SNX29: variants seen among roughly 807,000 people sequenced by gnomAD.
The protein encoded by SNX29 is sorting nexin-29.
Under a neutral mutation model 102.1 loss-of-function variants are expected in SNX29, and 78 were observed. The ratio of observed to expected loss-of-function variants is 0.76; its 90% CI spans 0.64 to 0.92. The LOEUF is 0.92. Among genes scored for constraint, SNX29 ranks in the 40% least tolerant of loss-of-function variants. The pLI is 0.00. For synonymous variants in SNX29, 580 were observed against 414.5 expected, an observed-to-expected ratio of 1.40 and a Z score of -4.85; for missense variants, 1,280 against 1,061.7, an observed-to-expected ratio of 1.21 and a Z score of -2.86.
rs548031551 is a variant in SNX29 at position 11,982,042 on chromosome 16, T to TA, written c.7+5243dup. Among the ~76,000 whole-genome samples, 1,005 of 138,960 alleles carry TA rather than the reference T, an allele frequency of 7.2e-3. 9 individuals carry two copies. The highest frequency in any genetic ancestry group is 0.013 in the South Asian group (56 of 4,394). 91.2% of individuals were successfully genotyped at this position (138,960 alleles called of 152,430 possible). On this transcript the variant is annotated intron_variant, in intron 1 of 20. Transcript: ENST00000566228. ...CAACATAACGAGATCTCATCTCAAT[T>TA]AAAAAAAAAAAAAAGCAGGGTGTAG...
At chr16:12,550,321 G>T (rs557420209) in intron 20 of SNX29, among the ~76,000 whole-genome samples, 3 of 152,288 alleles carry the variant, frequency 2.0e-5, no homozygotes, top group Non-Finnish European at 4.4e-5. Context: ...TGGGTCACCT[G>T]AGGTCGAGTG....
At chr16:12,115,893 A>C (rs2053679297) in intron 11 of SNX29, among the ~76,000 whole-genome samples, 1 of 152,220 alleles carries the variant, frequency 6.6e-6, no homozygotes, top group African/African-American at 2.4e-5. Context: ...TGCACCCCGC[A>C]AGAGGAGTAT....
intron 15 of SNX29, among the ~76,000 whole-genome samples, chr16:12,290,445 C>T (rs148803789): frequency 2.0e-5 from 3 of 152,300 alleles, no homozygotes; most frequent in African/African-American, 4.8e-5. Context: ...AAGACTGATT[C>T]AGTTTGCCCC....
At chr16:12,481,552 A>ACACC (rs1555549564) in intron 19 of SNX29, among the ~76,000 whole-genome samples, 3 of 119,416 alleles carry the variant, frequency 2.5e-5, no homozygotes, top group Non-Finnish European at 5.2e-5. Flanking sequence ...ACACACACAC[A>ACACC]CACCCCAAAT....
At chr16:12,148,245 C>G (rs984367323) in intron 13 of SNX29, among the ~76,000 whole-genome samples, 1 of 152,198 alleles carries the variant, frequency 6.6e-6, no homozygotes, top group African/African-American at 2.4e-5. Flanking sequence ...GGAATGCCAC[C>G]CATGGAGCTA....
intron 11 of SNX29, chr16:12,087,231 TA>T (rs2052245980): frequency 6.4e-6 from 1 of 156,422 alleles, no homozygotes; most frequent in Non-Finnish European, 1.4e-5. Flanking sequence ...CCATCTCTAC[TA>T]AACATACAGA....
chr16:12,055,115 C>G (rs539403355), intron 8 of SNX29, among the ~76,000 whole-genome samples: 48 of 152,134 alleles, frequency 3.2e-4, no homozygotes, highest in African/African-American at 1.1e-3. Flanking sequence ...CTGAGGCGGA[C>G]GTTCTGTGTG....
rs746617649 is a variant in SNX29 at position 12,568,501 on chromosome 16, T to A, written c.2319-5T>A. On this transcript the variant is annotated splice_polypyrimidine_tract_variant and splice_region_variant and intron_variant, in intron 20 of 20. Coordinates refer to ENST00000566228, the MANE Select transcript of SNX29 (RefSeq NM_032167.5). ...CTTAACCCGATTCTCTCCCTGCTCT[T>A]TCAGCGACATCACCCCGCCCGGAGA... 1 of 1,609,628 alleles carries A rather than the reference T, an allele frequency of 6.2e-7. No homozygotes were observed. Among genetic ancestry groups the A allele is most frequent in the Non-Finnish European group, 8.5e-7 (1 of 1,179,812 alleles).
At chr16:12,565,528 G>A (rs941311859) in intron 20 of SNX29, among the ~76,000 whole-genome samples, 4 of 152,106 alleles carry the variant, frequency 2.6e-5, no homozygotes, top group East Asian at 1.9e-4. Context: ...TGCTCCACAT[G>A]GCCTCGAGGA....
At chr16:12,331,396 T>G (rs1279935095) in intron 15 of SNX29, among the ~76,000 whole-genome samples, 1 of 152,224 alleles carries the variant, frequency 6.6e-6, no homozygotes. Flanking sequence ...TACCTGGTCT[T>G]ATTCCAAAAA....
rs949956199 is a variant in SNX29 at position 12,027,418 on chromosome 16, C to T, written c.221C>T (p.Ala74Val). ...ALTAAAIKQAAGFASKTETEP... is the reference protein window; with the variant it reads ...ALTAAAIKQAVGFASKTETEP... ...ACAGCGGCAGCGATCAAGCAGGCAG[C>T]GGGCTTTGCCAGCAAAACCGAAACA... The change falls in exon 4 of 21, where the codon GCG (alanine) becomes GTG (valine). Residue 74 changes from alanine to valine, a missense_variant. Coordinates refer to ENST00000566228, the MANE Select transcript of SNX29 (RefSeq NM_032167.5). The T allele has an allele frequency of 8.1e-6, 13 of 1,613,830 alleles. No homozygotes were observed. The highest frequency in any genetic ancestry group is 1.1e-5 in the South Asian group (1 of 91,074).
In SNX29 at chr16:12,524,747, C is replaced by T. The variant is rs931399734; in HGVS notation, c.2224C>T (p.Leu742=). 2.5e-6 allele frequency: 4 copies of T among 1,613,458 alleles called. No individual in the cohort carries two copies. Among genetic ancestry groups the T allele is most frequent in the South Asian group, 1.1e-5 (1 of 91,042 alleles). Residue 742 remains leucine, a synonymous_variant, in exon 20 of 21, where the codon CTG becomes TTG. Coordinates refer to ENST00000566228, the MANE Select transcript of SNX29 (RefSeq NM_032167.5). ...ACGGAGAAAGCAGCTCCAGAATTAC[C>T]TGCGCAGCGTCATGAACAAAGTCAT... ...EERRKQLQNY[L]RSVMNKVIQM...
chr16:12,365,769 G>A (rs2082450812), intron 16 of SNX29, among the ~76,000 whole-genome samples: 2 of 151,322 alleles, frequency 1.3e-5, no homozygotes, highest in Admixed American at 6.6e-5. Flanking sequence ...TGGGCCGGGC[G>A]CGGTGGCTCA....
chr16:12,556,915 T>TA (rs2078393081), intron 20 of SNX29, among the ~76,000 whole-genome samples: 1 of 141,906 alleles, frequency 7.0e-6, no homozygotes, highest in South Asian at 2.3e-4. Context: ...TGTAGTGGCA[T>TA]GATCTCGGCT....
chr16:12,421,109 C>T (rs993931027), intron 18 of SNX29, among the ~76,000 whole-genome samples: 3 of 152,172 alleles, frequency 2.0e-5, no homozygotes, highest in Non-Finnish European at 4.4e-5. Flanking sequence ...AGTGCCTTGC[C>T]TAAGGTCATA....
At chr16:12,347,781 G>A (rs993666105) in intron 15 of SNX29, among the ~76,000 whole-genome samples, 1 of 151,994 alleles carries the variant, frequency 6.6e-6, no homozygotes. Flanking sequence ...TGACAAATAA[G>A]ATACCAGGAA....
intron 15 of SNX29, among the ~76,000 whole-genome samples, chr16:12,284,276 C>T (rs1013779444): frequency 2.3e-4 from 35 of 152,260 alleles, no homozygotes; most frequent in African/African-American, 7.5e-4. Flanking sequence ...TTCCTGGGCA[C>T]GCCCCCTAAC....
At chr16:12,300,918 C>A (rs189788764) in intron 15 of SNX29, among the ~76,000 whole-genome samples, 1 of 152,320 alleles carries the variant, frequency 6.6e-6, no homozygotes, top group East Asian at 1.9e-4. Context: ...ATTCCGTACT[C>A]TGCCCTTGGA....
At chr16:12,276,299 T>G (rs1027354603) in intron 14 of SNX29, among the ~76,000 whole-genome samples, 1 of 152,106 alleles carries the variant, frequency 6.6e-6, no homozygotes, top group African/African-American at 2.4e-5. Context: ...CATAACTGTT[T>G]GGGGTTATCT....
Sources: allele counts gnomAD v4.1 joint callset (sites outside exome capture counted in the v4.1 genomes callset), GRCh38; gene constraint gnomAD v4.1.1; transcripts MANE v1.5; gene names NCBI Gene and HGNC (gene_info 2026-07-23, HGNC 2026-07-21).